ADCYAP1R1: variants seen among roughly 807,000 people sequenced by gnomAD.
ADCYAP1R1 encodes the protein pituitary adenylate cyclase-activating polypeptide type I receptor.
In ADCYAP1R1, 44 loss-of-function variants were observed where a neutral mutation model predicts 67.6. The ratio of observed to expected loss-of-function variants is 0.65; its 90% confidence interval spans 0.51 to 0.84. The LOEUF (loss-of-function observed/expected upper bound fraction) is 0.84. ADCYAP1R1 is among the 40% of genes least tolerant of loss of function. The probability of loss-of-function intolerance (pLI) is 0.00; values close to 1 mark genes in which losing one functional copy is unlikely to be tolerated. For missense variants in ADCYAP1R1, 477 were observed against 587.9 expected, an observed-to-expected ratio of 0.81 and a Z score of 1.95; for synonymous variants, 222 against 219.6, an observed-to-expected ratio of 1.01 and a Z score of -0.10.
Position 31,103,328 on chromosome 7 carries a change from G to T in ADCYAP1R1, c.1138G>T (p.Glu380Ter). Residue 380 changes from glutamate to a stop codon, truncating the protein, a stop_gained, in exon 14 of 16, where the codon GAA (glutamate) becomes TAA (stop). Transcript: ENST00000304166. LOFTEE classifies it high-confidence loss of function. Reference sequence around the variant, plus strand: ...CTCCCCAGAGAATGTCAGCAAAAGGGAAAGACTCGTGTTTGAGCTGGGGCT... The same window carrying T: ...CTCCCCAGAGAATGTCAGCAAAAGGTAAAGACTCGTGTTTGAGCTGGGGCT... Reference protein sequence around the residue: ...AFSPENVSKRERLVFELGLGS... With the variant: ...AFSPENVSKR 2 of 1,614,226 alleles carry T rather than the reference G, an allele frequency of 1.2e-6. No individual in the cohort carries two copies. The highest frequency in any genetic ancestry group is 1.7e-6 in the Non-Finnish European group (2 of 1,180,030).
chr7:31,064,794 T>C, intron 2 of ADCYAP1R1, 37 bp from the exon 3 acceptor site: 2 of 1,551,644 alleles, frequency 1.3e-6, no homozygotes, highest in Non-Finnish European at 1.8e-6. Context: ...ATGGGCCTCC[T>C]ACCCGCTCCC....
At chr7:31,071,008 G>A (rs76995406) in intron 3 of ADCYAP1R1, among the ~76,000 whole-genome samples, 8 of 152,228 alleles carry the variant, frequency 5.3e-5, no homozygotes, top group East Asian at 1.9e-4. Context: ...AGTAAATTTC[G>A]GTAAATTGAA....
chr7:31,074,264 CTAA>C (rs1429488740), intron 3 of ADCYAP1R1, among the ~76,000 whole-genome samples: 1 of 152,184 alleles, frequency 6.6e-6, no homozygotes, highest in Non-Finnish European at 1.5e-5. Flanking sequence ...GCTTCCGGTG[CTAA>C]TGCTGAGTAG....
chr7:31,066,963 C>A (rs1296423304), intron 3 of ADCYAP1R1, among the ~76,000 whole-genome samples: 1 of 152,096 alleles, frequency 6.6e-6, no homozygotes, highest in African/African-American at 2.4e-5. Context: ...TGGCTGAGGG[C>A]CCAGGGAGCA....
chr7:31,085,720 G>A (rs1369492751), intron 9 of ADCYAP1R1, among the ~76,000 whole-genome samples: 1 of 152,244 alleles, frequency 6.6e-6, no homozygotes, highest in East Asian at 1.9e-4. Flanking sequence ...GGTCAGGTGG[G>A]AACACCAAGT....
intron 14 of ADCYAP1R1, 72 bp from the exon 15 acceptor site, chr7:31,104,796 C>A: frequency 6.5e-7 from 1 of 1,536,052 alleles, no homozygotes; most frequent in Non-Finnish European, 9.0e-7. Context: ...TAGAGTCATC[C>A]CCTCCATGCC....
At chr7:31,077,815 G>T (rs1025197316) in intron 3 of ADCYAP1R1, among the ~76,000 whole-genome samples, 176 bp from the exon 4 acceptor site, 1 of 144,258 alleles carries the variant, frequency 6.9e-6, no homozygotes, top group African/African-American at 2.8e-5. Flanking sequence ...TGTGTGGTGT[G>T]TGTGTGATGT....
chr7:31,092,400 C>A (rs1453207521), intron 12 of ADCYAP1R1, among the ~76,000 whole-genome samples: 1 of 152,024 alleles, frequency 6.6e-6, no homozygotes, highest in Non-Finnish European at 1.5e-5. Context: ...GCTTACTTTT[C>A]TGACTTACTC....
At position 31,086,265 on chromosome 7, in the gene ADCYAP1R1, T is replaced by C; in HGVS notation, c.670-119T>C. 1 of 1,036,400 alleles carries C rather than the reference T, an allele frequency of 9.6e-7. No individual in the cohort carries two copies. Among genetic ancestry groups the C allele is most frequent in the Non-Finnish European group, 1.4e-6 (1 of 725,736 alleles). The allele number at this position is 1,036,400 out of a possible 1,614,324, so 64.2% of individuals were successfully genotyped here. A position where few individuals can be genotyped will look rare whatever the true frequency, so the allele number is the denominator to read the frequency against. On this transcript the variant is annotated intron_variant, in intron 9 of 15. Coordinates refer to ENST00000304166, the MANE Select transcript of ADCYAP1R1 (RefSeq NM_001118.5). The surrounding 1 kb of genome is among the most constrained non-coding windows in gnomAD (Gnocchi z 5.0). ...AACTCTTTGATCCAGGAATATTGAC[T>C]CTCTTAGATCCTTGGGATGTTTGAA...
At chr7:31,070,890 G>A (rs562310087) in intron 3 of ADCYAP1R1, among the ~76,000 whole-genome samples, 2 of 152,304 alleles carry the variant, frequency 1.3e-5, no homozygotes, top group Admixed American at 6.5e-5. Context: ...CATATCTTGA[G>A]AATCACTGAC....
intron 3 of ADCYAP1R1, among the ~76,000 whole-genome samples, chr7:31,071,322 G>A (rs1026486418): frequency 6.6e-6 from 1 of 152,174 alleles, no homozygotes; most frequent in East Asian, 1.9e-4. Flanking sequence ...CACTTTATAA[G>A]GTCTTAGGTG....
At chr7:31,079,897 G>C (rs1391158049) in intron 4 of ADCYAP1R1, among the ~76,000 whole-genome samples, 1 of 152,234 alleles carries the variant, frequency 6.6e-6, no homozygotes, top group Non-Finnish European at 1.5e-5. Flanking sequence ...GATACAGTGG[G>C]ACTGGGGGGC....
chr7:31,093,563 T>C (rs1796059756), intron 13 of ADCYAP1R1, among the ~76,000 whole-genome samples: 1 of 152,054 alleles, frequency 6.6e-6, no homozygotes, highest in Non-Finnish European at 1.5e-5. Flanking sequence ...TGAGGACATT[T>C]CTGATGCTGG....
At chr7:31,077,944 T>A (rs1050330313) in intron 3 of ADCYAP1R1, 47 bp from the exon 4 acceptor site, 2 of 1,320,820 alleles carry the variant, frequency 1.5e-6, no homozygotes, top group African/African-American at 2.9e-5. Context: ...TGTGTGTGTA[T>A]GGGTGTGTGT....
In ADCYAP1R1 at chr7:31,085,427, C is replaced by T; in HGVS notation, c.654C>T (p.His218=). 1 of 1,613,316 alleles carries T rather than the reference C, an allele frequency of 6.2e-7. No individual in the cohort carries two copies. Among genetic ancestry groups the T allele is most frequent in the African/African-American group, 1.3e-5 (1 of 75,064 alleles). The part of the protein sequence containing the change: ...WILYAEQDSN[H]CFISTVECKA... ...TGTATGCGGAGCAGGACAGCAACCA[C>T]TGCTTCATCTCCACTGTGAGTGAGC... Residue 218 remains histidine (H), a synonymous_variant, in exon 9 of 16, where the codon CAC becomes CAT. Transcript: ENST00000304166.
Position 31,092,723 on chromosome 7 carries a change from C to G in ADCYAP1R1, c.1034C>G (p.Ser345Cys), listed in dbSNP as rs749507998. The change falls in exon 13 of 16, where the codon TCC becomes TGC. Residue 345 changes from serine (S) to cysteine (C), a missense_variant. Coordinates refer to ENST00000304166, the MANE Select transcript of ADCYAP1R1 (RefSeq NM_001118.5). ...LQSPDMGGNESSIYLRLARST... is the reference protein window; with the variant it reads ...LQSPDMGGNECSIYLRLARST... ...TCTCCAGACATGGGAGGCAATGAGT[C>G]CAGCATCTACTTGTAAGTACCATTG... 2 of 1,611,316 alleles carry G rather than the reference C, an allele frequency of 1.2e-6. No homozygotes were observed. The highest frequency in any genetic ancestry group is 1.1e-5 in the South Asian group (1 of 90,842).
intron 1 of ADCYAP1R1, among the ~76,000 whole-genome samples, chr7:31,062,402 C>T (rs1008117544): frequency 5.3e-5 from 8 of 152,234 alleles, no homozygotes; most frequent in Admixed American, 1.3e-4. Context: ...GACTTCATCC[C>T]GAAGATGAAG....
At chr7:31,079,969 G>T (rs1795446042) in intron 4 of ADCYAP1R1, among the ~76,000 whole-genome samples, 1 of 152,186 alleles carries the variant, frequency 6.6e-6, no homozygotes, top group Non-Finnish European at 1.5e-5. Flanking sequence ...TCCTGTAGAA[G>T]CCAACTTAAT....
chr7:31,072,370 A>G (rs931643448), intron 3 of ADCYAP1R1, among the ~76,000 whole-genome samples: 2 of 152,154 alleles, frequency 1.3e-5, no homozygotes, highest in African/African-American at 2.4e-5. Context: ...TGGATTCTGC[A>G]CTTCCACCCT....
Sources: gnomAD v4.1 joint callset for allele counts (sites outside exome capture counted in the v4.1 genomes callset) on GRCh38, gnomAD v4.1.1 for gene constraint, Gnocchi (gnomAD v3.1) non-coding constraint, MANE v1.5 for transcripts, NCBI Gene and HGNC (gene_info 2026-07-23, HGNC 2026-07-21) for gene names.